The following EPB41L3 variants were observed in gnomAD, a reference collection of about 807,000 sequenced individuals.
EPB41L3 encodes the protein band 4.1-like protein 3.
Under a neutral mutation model 127.1 loss-of-function variants are expected in EPB41L3, and 57 were observed. That is an observed-to-expected ratio of 0.45 (90% CI 0.36 to 0.56). The LOEUF (loss-of-function observed/expected upper bound fraction) is 0.56, where lower values mean the gene tolerates loss of function less well. Among genes scored for constraint, EPB41L3 ranks in the 20% least tolerant of loss-of-function variants. EPB41L3 has a pLI of 0.00. For synonymous variants in EPB41L3, 572 were observed against 549.5 expected, an observed-to-expected ratio of 1.04 and a Z score of -0.57; for missense variants, 1,273 against 1,372.2, an observed-to-expected ratio of 0.93 and a Z score of 1.14.
At chr18:5,533,667 A>G (rs2093479764) in intron 1 of EPB41L3, among the ~76,000 whole-genome samples, 1 of 152,186 alleles carries the variant, frequency 6.6e-6, no homozygotes, top group Non-Finnish European at 1.5e-5. Flanking sequence ...ACCGATCACA[A>G]AGCAAGAAAA....
At chr18:5,512,660 C>T (rs1344210929) in intron 1 of EPB41L3, among the ~76,000 whole-genome samples, 1 of 152,012 alleles carries the variant, frequency 6.6e-6, no homozygotes, top group Non-Finnish European at 1.5e-5. Context: ...GTTTTGATGA[C>T]CCAGCAGAAA....
At chr18:5,469,988 C>A (rs991611616) in intron 3 of EPB41L3, among the ~76,000 whole-genome samples, 1 of 152,094 alleles carries the variant, frequency 6.6e-6, no homozygotes, top group African/African-American at 2.4e-5. Context: ...CCATGTTGGC[C>A]AGGCTGGTCT....
At chr18:5,543,998 G>A (rs1293940180), upstream of EPB41L3, 6 of 985,390 alleles carry the variant, frequency 6.1e-6, no homozygotes, top group East Asian at 6.8e-4. This position sits in a 1 kb window ranked among gnomAD's most constrained non-coding sequence, Gnocchi z 5.2. Context: ...CAGGAGACTC[G>A]GGCGTGGGGA....
intron 3 of EPB41L3, among the ~76,000 whole-genome samples, chr18:5,612,005 T>C (rs1568646049): frequency 6.6e-6 from 1 of 151,556 alleles, no homozygotes; most frequent in Non-Finnish European, 1.5e-5. Flanking sequence ...TAAAAATATA[T>C]ACACATGTAA....
intron 3 of EPB41L3, among the ~76,000 whole-genome samples, chr18:5,597,462 T>G (rs1599204860): frequency 6.6e-6 from 1 of 152,298 alleles, no homozygotes; most frequent in East Asian, 1.9e-4. Context: ...TTGTAAAACC[T>G]TCTCAGAATT....
intron 1 of EPB41L3, chr18:5,521,437 T>G (rs2092985069): frequency 6.6e-6 from 1 of 152,192 alleles, no homozygotes; most frequent in Admixed American, 6.5e-5. Context: ...CAGGAATTTG[T>G]CAGGGTCACG....
chr18:5,619,338 G>A (rs918410314), intron 1 of EPB41L3, among the ~76,000 whole-genome samples: 31 of 152,280 alleles, frequency 2.0e-4, no homozygotes, highest in Non-Finnish European at 3.1e-4. Flanking sequence ...TCTAATGTAT[G>A]AAAATGGCTC....
intron 16 of EPB41L3, chr18:5,398,738 G>C: frequency 2.5e-6 from 1 of 399,346 alleles, no homozygotes; most frequent in Non-Finnish European, 4.4e-6. Context: ...ATTCGGACAG[G>C]CTCTTCCTTC....
intron 3 of EPB41L3, among the ~76,000 whole-genome samples, chr18:5,553,803 C>G (rs2093997346): frequency 6.6e-6 from 1 of 152,186 alleles, no homozygotes; most frequent in South Asian, 2.1e-4. Context: ...TATAGTGATT[C>G]TCCAAACAGA....
At chr18:5,594,306 C>T (rs904669144) in intron 3 of EPB41L3, among the ~76,000 whole-genome samples, 5 of 152,130 alleles carry the variant, frequency 3.3e-5, no homozygotes, top group African/African-American at 1.2e-4. Context: ...CCGCAACACC[C>T]CCGCAAAATT....
At chr18:5,408,761 C>A (rs1167317924) in intron 14 of EPB41L3, among the ~76,000 whole-genome samples, 1 of 152,014 alleles carries the variant, frequency 6.6e-6, no homozygotes, top group Non-Finnish European at 1.5e-5. Context: ...CCCAAAGCCA[C>A]CTCATTCTCC....
chr18:5,501,458 C>T (rs1479514023), intron 1 of EPB41L3, among the ~76,000 whole-genome samples: 1 of 152,166 alleles, frequency 6.6e-6, no homozygotes, highest in Non-Finnish European at 1.5e-5. Context: ...CAATTAATAG[C>T]TTTCAACTCT....
intron 3 of EPB41L3, among the ~76,000 whole-genome samples, chr18:5,583,829 T>C (rs1167626204): frequency 6.6e-6 from 1 of 152,216 alleles, no homozygotes; most frequent in Non-Finnish European, 1.5e-5. Context: ...TTATTTGTTT[T>C]CGGAGTTTCA....
chr18:5,406,741 CAG>C lies in EPB41L3; in HGVS notation c.2349+34_2349+35del, dbSNP rs766239310. On this transcript the variant is annotated intron_variant, in intron 16 of 22. Coordinates refer to ENST00000341928, the MANE Select transcript of EPB41L3 (RefSeq NM_012307.5). ...CCTGTAGAGAAGGAAGGCGGGTAAA[CAG>C]AATACGAGTCTGACCACAAACCTGA... 2.9e-5 allele frequency: 45 copies of C among 1,575,256 alleles called. No individual in the cohort carries two copies. The East Asian group carries it at 1.0e-3, about 35-fold the overall frequency.
At chr18:5,511,391 GTTTTTTTTTTTTT>G (rs1190047630) in intron 1 of EPB41L3, among the ~76,000 whole-genome samples, 27 of 59,804 alleles carry the variant, frequency 4.5e-4, no homozygotes, top group Middle Eastern at 0.019. Flanking sequence ...AGGTATTTTG[GTTTTTTTTTTTTT>G]TTTTTTTTTT....
chr18:5,488,607 A>AT (rs2090180215), intron 2 of EPB41L3, among the ~76,000 whole-genome samples: 1 of 151,824 alleles, frequency 6.6e-6, no homozygotes, highest in African/African-American at 2.4e-5. Flanking sequence ...AATAATAATA[A>AT]AAGCAGATCT....
At chr18:5,432,396 T>C (rs1170456502) in intron 8 of EPB41L3, among the ~76,000 whole-genome samples, 1 of 152,180 alleles carries the variant, frequency 6.6e-6, no homozygotes, top group African/African-American at 2.4e-5. Context: ...TGACTAACTC[T>C]GTCCATAAAA....
intron 1 of EPB41L3, among the ~76,000 whole-genome samples, chr18:5,496,648 G>A (rs1780490714): frequency 6.6e-6 from 1 of 152,216 alleles, no homozygotes; most frequent in African/African-American, 2.4e-5. Context: ...AGCAAAGGAG[G>A]CCTGATTATC....
At chr18:5,595,648 C>T (rs1253972499) in intron 3 of EPB41L3, among the ~76,000 whole-genome samples, 1 of 152,130 alleles carries the variant, frequency 6.6e-6, no homozygotes, top group African/African-American at 2.4e-5. Context: ...ACCCCAGCAG[C>T]TCAAACAGTG....
Sources: allele counts gnomAD v4.1 joint callset (sites outside exome capture counted in the v4.1 genomes callset), GRCh38; gene constraint gnomAD v4.1.1; non-coding constraint Gnocchi (gnomAD v3.1); transcripts MANE v1.5; gene names NCBI Gene and HGNC (gene_info 2026-07-23, HGNC 2026-07-21).